Variants in KCND3 observed in about 807,000 individuals in gnomAD.
KCND3 encodes the protein potassium voltage-gated channel subfamily D member 3, also known as A-type voltage-gated potassium channel KCND3.
Under a neutral mutation model 51.1 loss-of-function variants are expected in KCND3, and 9 were observed. That is an observed-to-expected ratio of 0.18 (90% CI 0.11 to 0.31). KCND3 has a LOEUF of 0.31. Among genes scored for constraint, KCND3 ranks in the 10% least tolerant of loss-of-function variants. The pLI is 1.00. For missense variants in KCND3, 526 were observed against 903.8 expected, an observed-to-expected ratio of 0.58 and a Z score of 5.36; for synonymous variants, 349 against 368.0, an observed-to-expected ratio of 0.95 and a Z score of 0.59.
At chr1:111,877,970 C>T (rs1363155115) in intron 2 of KCND3, among the ~76,000 whole-genome samples, 2 of 152,204 alleles carry the variant, frequency 1.3e-5, no homozygotes, top group East Asian at 3.9e-4. Context: ...CTCATCTAAT[C>T]ATCACAAGAA....
At chr1:111,894,889 A>G (rs1228692898) in intron 2 of KCND3, among the ~76,000 whole-genome samples, 1 of 151,730 alleles carries the variant, frequency 6.6e-6, no homozygotes, top group African/African-American at 2.4e-5. Context: ...CAGAAGGAGG[A>G]GGAGGAGGAA....
At chr1:111,926,264 T>C (rs1399515869) in intron 2 of KCND3, among the ~76,000 whole-genome samples, 2 of 152,158 alleles carry the variant, frequency 1.3e-5, no homozygotes, top group Non-Finnish European at 1.5e-5. Context: ...TGATGGTACA[T>C]AAGAACAACT....
chr1:111,859,854 A>G (rs1668254196), intron 2 of KCND3, among the ~76,000 whole-genome samples: 1 of 152,218 alleles, frequency 6.6e-6, no homozygotes, highest in South Asian at 2.1e-4. Flanking sequence ...TAGCCCAAGG[A>G]GGTGGGTAGT....
At chr1:111,882,922 T>C (rs1304564080) in intron 2 of KCND3, among the ~76,000 whole-genome samples, 1 of 152,130 alleles carries the variant, frequency 6.6e-6, no homozygotes, top group Non-Finnish European at 1.5e-5. Flanking sequence ...AAATAAATGG[T>C]AAAAACTAAA....
chr1:111,878,240 T>G (rs1242032015), intron 2 of KCND3, among the ~76,000 whole-genome samples: 2 of 152,238 alleles, frequency 1.3e-5, no homozygotes, highest in Non-Finnish European at 2.9e-5. Context: ...ACGTGAAACC[T>G]CTTCCTGTCT....
At chr1:111,875,871 A>G (rs1372711218) in intron 2 of KCND3, among the ~76,000 whole-genome samples, 3 of 152,232 alleles carry the variant, frequency 2.0e-5, no homozygotes, top group African/African-American at 7.2e-5. Context: ...GTAATGTACA[A>G]AATGTAATAA....
At chr1:111,968,604 T>G (rs1049224806) in intron 2 of KCND3, among the ~76,000 whole-genome samples, 4 of 152,122 alleles carry the variant, frequency 2.6e-5, no homozygotes, top group Non-Finnish European at 5.9e-5. Context: ...AGGATCTTCC[T>G]CCCCTACCCC....
intron 2 of KCND3, among the ~76,000 whole-genome samples, chr1:111,956,746 C>G (rs535890025): frequency 6.6e-6 from 1 of 152,152 alleles, no homozygotes; most frequent in African/African-American, 2.4e-5. Context: ...CCTCAAGAAG[C>G]TGGAACACCG....
chr1:111,850,371 A>C (rs182645070), intron 2 of KCND3, among the ~76,000 whole-genome samples: 1 of 152,262 alleles, frequency 6.6e-6, no homozygotes, highest in East Asian at 1.9e-4. Context: ...ACAGCTCCTG[A>C]GCCTCTACCC....
rs191467214 is a variant in KCND3, at chr1:111,837,820, G to A, written c.1107-50714C>T. Among the ~76,000 whole-genome samples the A allele has an allele frequency of 1.1e-4, 16 of 152,264 alleles. 1 individual carries two copies. Among genetic ancestry groups the A allele is most frequent in the African/African-American group, 3.6e-4 (15 of 41,534 alleles). ...CTACCCTCGCCCCTCTAGATTGTCA[G>A]TTTATCAGACTTTCTTTGATTTTGA... is the stretch of plus-strand genomic sequence containing the variant. On this transcript the variant is annotated intron_variant, in intron 2 of 7. Coordinates refer to ENST00000302127, the MANE Select transcript of KCND3 (RefSeq NM_001378969.1).
At chr1:111,959,971 T>C (rs1462139126) in intron 2 of KCND3, among the ~76,000 whole-genome samples, 1 of 151,842 alleles carries the variant, frequency 6.6e-6, no homozygotes, top group Non-Finnish European at 1.5e-5. Flanking sequence ...CTAGATATGA[T>C]GGTTTTACAA....
chr1:111,887,551 G>A (rs1669624773), intron 2 of KCND3, among the ~76,000 whole-genome samples: 1 of 152,128 alleles, frequency 6.6e-6, no homozygotes, highest in Non-Finnish European at 1.5e-5. Context: ...GCTCCAAAAG[G>A]CAAATGACCC....
intron 2 of KCND3, among the ~76,000 whole-genome samples, chr1:111,823,563 G>A (rs1253653683): frequency 6.6e-6 from 1 of 152,270 alleles, no homozygotes; most frequent in Admixed American, 6.5e-5. Context: ...CCAATCTGAA[G>A]AGCATTCTTC....
chr1:111,925,944 C>T (rs1671677286), intron 2 of KCND3, among the ~76,000 whole-genome samples: 1 of 152,156 alleles, frequency 6.6e-6, no homozygotes, highest in South Asian at 2.1e-4. Flanking sequence ...CCACTGATCA[C>T]AAAAATGCCT....
chr1:111,908,383 C>A (rs952276715), intron 2 of KCND3, among the ~76,000 whole-genome samples: 2 of 152,208 alleles, frequency 1.3e-5, no homozygotes, highest in Non-Finnish European at 2.9e-5. Flanking sequence ...TGAACAAACT[C>A]ATTTAGTCCT....
intron 2 of KCND3, among the ~76,000 whole-genome samples, chr1:111,887,254 CA>C (rs1669611639): frequency 6.6e-6 from 1 of 152,186 alleles, no homozygotes; most frequent in Non-Finnish European, 1.5e-5. Context: ...TCCTGACTCA[CA>C]AAGCCCCTTT....
At chr1:111,905,498 T>G (rs1670604371) in intron 2 of KCND3, among the ~76,000 whole-genome samples, 1 of 152,186 alleles carries the variant, frequency 6.6e-6, no homozygotes, top group South Asian at 2.1e-4. Context: ...GGTAAGGACA[T>G]CTGGTGTTTA....
At chr1:111,927,779 C>T (rs552137003) in intron 2 of KCND3, among the ~76,000 whole-genome samples, 82 of 152,290 alleles carry the variant, frequency 5.4e-4, no homozygotes, top group African/African-American at 1.9e-3. Flanking sequence ...AAAAGTGGGC[C>T]AGAAATCACA....
intron 2 of KCND3, among the ~76,000 whole-genome samples, chr1:111,962,370 A>C (rs997060): frequency 6.6e-6 from 1 of 151,952 alleles, no homozygotes; most frequent in Non-Finnish European, 1.5e-5. Flanking sequence ...TGAGACTGCA[A>C]TCATGATCTT....
Sources: allele counts gnomAD v4.1 joint callset (sites outside exome capture counted in the v4.1 genomes callset), GRCh38; gene constraint gnomAD v4.1.1; transcripts MANE v1.5; gene names NCBI Gene and HGNC (gene_info 2026-07-23, HGNC 2026-07-21).